Variants in MYO1E observed in about 807,000 individuals in gnomAD.
MYO1E encodes unconventional myosin-Ie.
In MYO1E, 68 loss-of-function variants were observed where a neutral mutation model predicts 151.1. The ratio of observed to expected loss-of-function variants is 0.45; its 90% CI spans 0.37 to 0.55. The LOEUF (loss-of-function observed/expected upper bound fraction) is 0.55. Among genes scored for constraint, MYO1E ranks in the 20% least tolerant of loss-of-function variants. The pLI is 0.00. For missense variants in MYO1E, 1,363 were observed against 1,389.3 expected, an observed-to-expected ratio of 0.98 and a Z score of 0.30; for synonymous variants, 601 against 501.7, an observed-to-expected ratio of 1.20 and a Z score of -2.64.
intron 10 of MYO1E, 48 bp from the exon 11 acceptor site, chr15:59,214,768 A>G (rs1377553304): frequency 2.8e-6 from 4 of 1,448,484 alleles, no homozygotes; most frequent in Non-Finnish European, 1.9e-6. Context: ...CATTCATACT[A>G]AAAACGGGCA....
In MYO1E at chr15:59,136,423, A is replaced by C. The variant is rs1256561440; in HGVS notation, c.*957T>G. 3.8e-5 allele frequency: 7 copies of C among 183,342 alleles called. No individual in the cohort carries two copies. The highest frequency in any genetic ancestry group is 8.3e-5 in the Non-Finnish European group (7 of 84,772). The allele number at this position is 183,342 out of a possible 1,614,324, so 11.4% of individuals were successfully genotyped here. ...GGGCAGGACGCGGAGTAAGTTTCCT[A>C]TAGGGAAAGAGTTGAGAAGAGTCTG... is the stretch of plus-strand genomic sequence containing the variant. On this transcript the variant is annotated 3_prime_UTR_variant, in exon 28 of 28. Transcript: ENST00000288235.
intron 16 of MYO1E, among the ~76,000 whole-genome samples, chr15:59,198,837 A>AAC (rs2079784082): frequency 6.6e-6 from 1 of 150,394 alleles, no homozygotes; most frequent in Non-Finnish European, 1.5e-5. Context: ...AAACAAAAAA[A>AAC]AAACAAACCA....
At chr15:59,166,249 C>G (rs1484120132) in intron 22 of MYO1E, among the ~76,000 whole-genome samples, 1 of 152,198 alleles carries the variant, frequency 6.6e-6, no homozygotes, top group Admixed American at 6.5e-5. Context: ...GCCCACGCTC[C>G]TGAACCTGAA....
At chr15:59,149,487 T>A (rs1156995406) in intron 26 of MYO1E, among the ~76,000 whole-genome samples, 1 of 152,190 alleles carries the variant, frequency 6.6e-6, no homozygotes, top group Non-Finnish European at 1.5e-5. Flanking sequence ...CCCACGCAGA[T>A]CTCTCAGTGT....
intron 17 of MYO1E, among the ~76,000 whole-genome samples, chr15:59,194,134 G>A (rs574732394): frequency 2.6e-5 from 4 of 151,546 alleles, no homozygotes; most frequent in South Asian, 4.2e-4. Context: ...AGATCATGCC[G>A]CTGCACTCCA....
chr15:59,348,393 G>C (rs2080806061), intron 1 of MYO1E, among the ~76,000 whole-genome samples: 1 of 152,170 alleles, frequency 6.6e-6, no homozygotes, highest in African/African-American at 2.4e-5. Context: ...ATTTGGTGTT[G>C]CATCAAATTA....
intron 5 of MYO1E, among the ~76,000 whole-genome samples, chr15:59,234,196 G>C (rs1272300205): frequency 1.3e-5 from 2 of 151,266 alleles, no homozygotes; most frequent in Non-Finnish European, 2.9e-5. Context: ...AAATTCTGTT[G>C]GACATCACTG....
chr15:59,141,833 G>C (rs542399604), intron 26 of MYO1E, among the ~76,000 whole-genome samples: 1 of 150,238 alleles, frequency 6.7e-6, no homozygotes, highest in Non-Finnish European at 1.5e-5. Context: ...GGGTGCAGTG[G>C]CTCACGCCTG....
intron 1 of MYO1E, among the ~76,000 whole-genome samples, chr15:59,343,839 G>A (rs746430286): frequency 1.3e-5 from 2 of 152,042 alleles, no homozygotes; most frequent in Non-Finnish European, 2.9e-5. Context: ...TCAGCAGCTC[G>A]AGAATTTCTG....
rs776135267 is a variant in MYO1E, at chr15:59,207,859, G to A, written c.1530+822C>T. 23 of 1,614,004 alleles carry A rather than the reference G, an allele frequency of 1.4e-5. No homozygotes were observed. In the South Asian group the frequency reaches 2.2e-4, roughly 15 times the overall value. On this transcript the variant is annotated intron_variant, in intron 14 of 27. Coordinates refer to ENST00000288235, the MANE Select transcript of MYO1E (RefSeq NM_004998.4). Reference sequence around the variant, plus strand: ...TTGGGCCATTGGCCTATCTGTGGCCGATTTAACAGAAAGTATTTTGAAGAA... The same window carrying A: ...TTGGGCCATTGGCCTATCTGTGGCCAATTTAACAGAAAGTATTTTGAAGAA...
At chr15:59,336,506 A>G (rs2080729364) in intron 1 of MYO1E, among the ~76,000 whole-genome samples, 1 of 152,206 alleles carries the variant, frequency 6.6e-6, no homozygotes, top group Admixed American at 6.5e-5. Flanking sequence ...TGTGTTTTTA[A>G]TAGTACTTGA....
chr15:59,182,666 C>T (rs1596355387), intron 18 of MYO1E, among the ~76,000 whole-genome samples: 1 of 152,288 alleles, frequency 6.6e-6, no homozygotes, highest in East Asian at 1.9e-4. Context: ...AGTGGAAGTT[C>T]CTCAACATAA....
At chr15:59,198,662 T>A (rs1437301227) in intron 16 of MYO1E, among the ~76,000 whole-genome samples, 1 of 151,380 alleles carries the variant, frequency 6.6e-6, no homozygotes, top group Non-Finnish European at 1.5e-5. Context: ...CTAAAAAAAA[T>A]ACCAAAAAAT....
chr15:59,220,735 C>A (rs986763288), intron 9 of MYO1E, among the ~76,000 whole-genome samples: 3 of 151,600 alleles, frequency 2.0e-5, no homozygotes, highest in African/African-American at 7.3e-5. Flanking sequence ...AGATCAGAAA[C>A]CATATTAATG....
At chr15:59,239,493 A>G (rs1179150639) in intron 4 of MYO1E, among the ~76,000 whole-genome samples, 1 of 151,752 alleles carries the variant, frequency 6.6e-6, no homozygotes, top group Non-Finnish European at 1.5e-5. Flanking sequence ...TATAAAGGGG[A>G]ATTTATTAAA....
chr15:59,359,196 C>A (rs2140439619), intron 1 of MYO1E, among the ~76,000 whole-genome samples: 1 of 151,460 alleles, frequency 6.6e-6, no homozygotes, highest in East Asian at 1.9e-4. Flanking sequence ...GCCACCAAGG[C>A]AGGAGAATCG....
chr15:59,289,525 G>C (rs1213757351), intron 1 of MYO1E, among the ~76,000 whole-genome samples: 1 of 152,086 alleles, frequency 6.6e-6, no homozygotes, highest in Non-Finnish European at 1.5e-5. Flanking sequence ...CCCCACTTTG[G>C]AGATCTCTTT....
At chr15:59,183,973 A>G (rs1380355089) in intron 18 of MYO1E, among the ~76,000 whole-genome samples, 1 of 152,128 alleles carries the variant, frequency 6.6e-6, no homozygotes, top group Non-Finnish European at 1.5e-5. Flanking sequence ...ACTTAACATA[A>G]TGATCTCCAA....
At chr15:59,173,646 G>A (rs1280250587) in intron 21 of MYO1E, 100 bp downstream of exon 21, 21 of 1,461,322 alleles carry the variant, frequency 1.4e-5, no homozygotes, top group African/African-American at 4.2e-5. Context: ...TTTCTACAAC[G>A]AACACATTCT....
Sources: gnomAD v4.1 joint callset for allele counts (sites outside exome capture counted in the v4.1 genomes callset) on GRCh38, gnomAD v4.1.1 for gene constraint, MANE v1.5 for transcripts, NCBI Gene and HGNC (gene_info 2026-07-23, HGNC 2026-07-21) for gene names.